Variants in PHKB observed in about 807,000 individuals in gnomAD.
PHKB encodes phosphorylase kinase regulatory subunit beta.
PHKB carries 122 observed loss-of-function variants against 152.1 expected under a neutral mutation model. The observed-to-expected ratio is 0.80, with a 90% CI of 0.69 to 0.93. PHKB has a LOEUF of 0.93. Among genes scored for constraint, PHKB ranks in the 40% least tolerant of loss-of-function variants. PHKB has a pLI of 0.00. For missense variants in PHKB, 1,304 were observed against 1,328.4 expected (o/e 0.98, Z 0.29); for synonymous variants, 436 against 464.9 (o/e 0.94, Z 0.80).
chr16:47,501,315 AG>A (rs1368206611), intron 3 of PHKB, among the ~76,000 whole-genome samples: 3 of 152,224 alleles, frequency 2.0e-5, no homozygotes, highest in Non-Finnish European at 4.4e-5. Context: ...ACAGATGACT[AG>A]GAAATAAGTA....
intron 14 of PHKB, among the ~76,000 whole-genome samples, chr16:47,630,729 T>C (rs1597136855): frequency 6.6e-6 from 1 of 152,210 alleles, no homozygotes; most frequent in South Asian, 2.1e-4. Context: ...GTGACAGTGT[T>C]TCTGGATGAA....
Position 47,588,908 on chromosome 16 carries a change from A to G in PHKB, c.874A>G (p.Thr292Ala). The change falls in exon 10 of 31, where the codon ACA (threonine) becomes GCA (alanine). Residue 292 changes from threonine (T) to alanine (A), a missense_variant. Transcript: ENST00000323584. ...LLPRESRSHN[T>A]DAALLPCISY... ...CTCTCTTTCTCATTGCCTCCAGAAT[A>G]CAGATGCTGCCCTGCTCCCCTGCAT... 1 of 1,613,612 alleles carries G rather than the reference A, an allele frequency of 6.2e-7. No individual in the cohort carries two copies. The highest frequency in any genetic ancestry group is 8.5e-7 in the Non-Finnish European group (1 of 1,179,632).
chr16:47,463,710 G>A, intron 1 of PHKB: 1 of 559,436 alleles, frequency 1.8e-6, no homozygotes, highest in South Asian at 2.0e-5. Flanking sequence ...ATCCATATGA[G>A]CAAGTGTAAT....
intron 26 of PHKB, among the ~76,000 whole-genome samples, chr16:47,674,248 A>G (rs578256799): frequency 6.6e-6 from 1 of 152,196 alleles, no homozygotes; most frequent in South Asian, 2.1e-4. Flanking sequence ...AGTAGGTACA[A>G]GTTAACAGAC....
At chr16:47,642,779 T>G (rs1479721404) in intron 16 of PHKB, among the ~76,000 whole-genome samples, 1 of 152,058 alleles carries the variant, frequency 6.6e-6, no homozygotes, top group African/African-American at 2.4e-5. Flanking sequence ...TTATACCTTC[T>G]CCAATAAATT....
chr16:47,494,950 T>G (rs1038581857), intron 1 of PHKB, among the ~76,000 whole-genome samples: 11 of 152,204 alleles, frequency 7.2e-5, no homozygotes, highest in African/African-American at 2.2e-4. Flanking sequence ...TTGTTTAATT[T>G]TATGTAGTTA....
At chr16:47,691,651 C>T (rs958069280) in intron 27 of PHKB, among the ~76,000 whole-genome samples, 1 of 149,922 alleles carries the variant, frequency 6.7e-6, no homozygotes, top group Non-Finnish European at 1.5e-5. Flanking sequence ...GCTGCAGAGT[C>T]GAGATTGCAC....
intron 24 of PHKB, 51 bp downstream of exon 24, chr16:47,663,785 C>A (rs376412229): frequency 9.5e-7 from 1 of 1,049,426 alleles, no homozygotes; most frequent in Non-Finnish European, 1.5e-6. Context: ...TTGTTATATT[C>A]GATAGCCTAA....
Position 47,660,734 on chromosome 16 carries a change from G to C in PHKB, c.2111G>C (p.Ser704Thr). 6.2e-7 allele frequency: 1 copy of C among 1,614,070 alleles called. No homozygotes were observed. Among genetic ancestry groups the C allele is most frequent in the South Asian group, 1.1e-5 (1 of 91,076 alleles). Reference protein sequence around the residue: ...SKVKRQSSTPSAPELGQQPDV... With the variant: ...SKVKRQSSTPTAPELGQQPDV... ...GTCAAACGGCAAAGCAGCACCCCTA[G>C]TGCTCCTGAACTGGGACAGCAGCCG... Residue 704 changes from serine (S) to threonine (T), a missense_variant, in exon 22 of 31, where the codon AGT (serine) becomes ACT (threonine). Coordinates refer to ENST00000323584, the MANE Select transcript of PHKB (RefSeq NM_000293.3).
chr16:47,552,821 A>G (rs1177852922), intron 7 of PHKB, among the ~76,000 whole-genome samples: 1 of 152,032 alleles, frequency 6.6e-6, no homozygotes, highest in Non-Finnish European at 1.5e-5. Context: ...ACACACACAC[A>G]CACACACACA....
chr16:47,493,127 G>T (rs1045331508), intron 1 of PHKB, among the ~76,000 whole-genome samples: 1 of 152,130 alleles, frequency 6.6e-6, no homozygotes, highest in Admixed American at 6.5e-5. Flanking sequence ...CCACCCCGTT[G>T]CACACTCCTC....
intron 6 of PHKB, among the ~76,000 whole-genome samples, chr16:47,543,411 T>A (rs1157859099): frequency 6.6e-6 from 1 of 152,222 alleles, no homozygotes; most frequent in Non-Finnish European, 1.5e-5. Context: ...GGCAGTATTT[T>A]ATTGAGGATT....
intron 14 of PHKB, among the ~76,000 whole-genome samples, chr16:47,630,266 G>A (rs1036338835): frequency 6.6e-6 from 1 of 152,140 alleles, no homozygotes; most frequent in Non-Finnish European, 1.5e-5. Context: ...CAGATCACCT[G>A]AGGTCAGGAG....
At chr16:47,656,126 C>T (rs956586728) in intron 20 of PHKB, among the ~76,000 whole-genome samples, 1 of 151,970 alleles carries the variant, frequency 6.6e-6, no homozygotes, top group Non-Finnish European at 1.5e-5. Flanking sequence ...AAGCGATTCT[C>T]CTGCCTCAGC....
intron 6 of PHKB, among the ~76,000 whole-genome samples, chr16:47,543,798 G>T (rs1039225005): frequency 6.6e-6 from 1 of 152,112 alleles, no homozygotes; most frequent in East Asian, 1.9e-4. Context: ...AGAGGTGTTT[G>T]TAGTATTCTC....
At chr16:47,588,858 T>C (rs764156348) in intron 9 of PHKB, 47 bp from the exon 10 acceptor site, 1 of 1,508,416 alleles carries the variant, frequency 6.6e-7, no homozygotes, top group Non-Finnish European at 9.2e-7. Flanking sequence ...GCTGTGTTGA[T>C]CACATCGCTG....
chr16:47,547,540 A>T lies in PHKB; in HGVS notation c.702A>T (p.Leu234=). ...GSKYNNGSTE[L]HSSSVGLAKA... ...AATATAATAATGGCAGCACAGAGCT[A>T]CATTCGAGGTAATTTGCTGATTTCT... Residue 234 remains leucine (L), a synonymous_variant, in exon 7 of 31, where the codon CTA becomes CTT. Coordinates refer to ENST00000323584, the MANE Select transcript of PHKB (RefSeq NM_000293.3). 6.3e-7 allele frequency: 1 copy of T among 1,582,018 alleles called. No homozygotes were observed. Among genetic ancestry groups the T allele is most frequent in the South Asian group, 1.1e-5 (1 of 90,292 alleles).
intron 1 of PHKB, among the ~76,000 whole-genome samples, chr16:47,496,751 G>A (rs1336990920): frequency 6.6e-6 from 1 of 152,174 alleles, no homozygotes; most frequent in Non-Finnish European, 1.5e-5. Flanking sequence ...TGATTATTGT[G>A]TATTTTGTAG....
At chr16:47,690,712 G>A (rs191338117) in intron 27 of PHKB, among the ~76,000 whole-genome samples, 6 of 152,112 alleles carry the variant, frequency 3.9e-5, no homozygotes, top group Admixed American at 3.3e-4. Context: ...CATTGTTGCC[G>A]GCAAAAACCA....
Sources: allele counts gnomAD v4.1 joint callset (sites outside exome capture counted in the v4.1 genomes callset), GRCh38; gene constraint gnomAD v4.1.1; transcripts MANE v1.5; gene names NCBI Gene and HGNC (gene_info 2026-07-23, HGNC 2026-07-21).